Variants in PUS7 observed in about 807,000 individuals in gnomAD.
PUS7 encodes pseudouridylate synthase 7 homolog.
Under a neutral mutation model 79.8 loss-of-function variants are expected in PUS7, and 48 were observed. The observed-to-expected ratio is 0.60, with a 90% CI of 0.48 to 0.76. The LOEUF (loss-of-function observed/expected upper bound fraction) is 0.76, where lower values mean the gene tolerates loss of function less well. Ranked by LOEUF, PUS7 falls within the 30% of genes least tolerant of loss-of-function variation. PUS7 has a pLI of 0.00. For missense variants in PUS7, 729 were observed against 797.6 expected, an observed-to-expected ratio of 0.91 and a Z score of 1.04; for synonymous variants, 286 against 272.2, an observed-to-expected ratio of 1.05 and a Z score of -0.50.
intron 5 of PUS7, among the ~76,000 whole-genome samples, chr7:105,497,875 C>T: frequency 6.6e-6 from 1 of 152,160 alleles, no homozygotes; most frequent in Non-Finnish European, 1.5e-5. Context: ...TATACTATTT[C>T]CTCTATTTGA....
intron 9 of PUS7, among the ~76,000 whole-genome samples, chr7:105,473,305 A>G (rs746805043): frequency 2.0e-5 from 3 of 152,112 alleles, no homozygotes; most frequent in East Asian, 1.9e-4. Context: ...GCTGGAATGC[A>G]GTGGCATGAT....
At chr7:105,493,414 C>T (rs1322766887) in intron 6 of PUS7, among the ~76,000 whole-genome samples, 2 of 152,342 alleles carry the variant, frequency 1.3e-5, no homozygotes, top group East Asian at 1.9e-4. Flanking sequence ...TGTCAAGAAT[C>T]GTCTGTTCTC....
At chr7:105,488,029 G>A (rs569004865) in intron 7 of PUS7, among the ~76,000 whole-genome samples, 18 of 152,272 alleles carry the variant, frequency 1.2e-4, no homozygotes, top group African/African-American at 4.3e-4. Context: ...AACTAAGGGT[G>A]TAGCCTGTAT....
intron 5 of PUS7, among the ~76,000 whole-genome samples, chr7:105,501,769 C>A (rs987629926): frequency 2.0e-5 from 3 of 151,892 alleles, no homozygotes; most frequent in African/African-American, 7.3e-5. Context: ...TCCTGGCTAA[C>A]AAGGTGAAAC....
At chr7:105,457,987 G>A in intron 15 of PUS7, 61 bp from the exon 16 acceptor site, 1 of 1,571,114 alleles carries the variant, frequency 6.4e-7, no homozygotes, top group Non-Finnish European at 8.6e-7. Context: ...ACCAGCGAGA[G>A]TCACATAATC....
intron 1 of PUS7, among the ~76,000 whole-genome samples, chr7:105,520,692 A>T (rs979564290): frequency 2.6e-5 from 4 of 152,174 alleles, no homozygotes; most frequent in Non-Finnish European, 4.4e-5. Flanking sequence ...ATTGCACTCC[A>T]GCCTGGGTGA....
intron 4 of PUS7, among the ~76,000 whole-genome samples, chr7:105,504,511 T>A (rs959631152): frequency 6.6e-6 from 1 of 152,222 alleles, no homozygotes; most frequent in Non-Finnish European, 1.5e-5. Context: ...AGTTTGTGTA[T>A]ATGAATACAT....
Position 105,458,169 on chromosome 7 carries a change from A to G in PUS7, c.1850-243T>C, listed in dbSNP as rs541941441. ...GGCAGATGACAGAAGAACACAAAAGAGAAACGCATGTAAAGTTAAAGAAAT... is the reference window on the plus strand; with the variant it reads ...GGCAGATGACAGAAGAACACAAAAGGGAAACGCATGTAAAGTTAAAGAAAT... On this transcript the variant is annotated intron_variant, in intron 15 of 15. Coordinates refer to ENST00000469408, the MANE Select transcript of PUS7 (RefSeq NM_019042.5). 9.8e-5 allele frequency among the ~76,000 whole-genome samples: 15 copies of G among 152,338 alleles called. No individual in the cohort carries two copies. The South Asian group carries it at 3.1e-3, about 32-fold the overall frequency.
chr7:105,468,522 C>CA (rs1823750715), intron 11 of PUS7, 59 bp from the exon 12 acceptor site: 2 of 1,171,108 alleles, frequency 1.7e-6, no homozygotes, highest in African/African-American at 1.6e-5. Context: ...AAGTGCTGTA[C>CA]TTTTTTTTTT....
At chr7:105,512,543 G>A (rs529399372) in intron 1 of PUS7, among the ~76,000 whole-genome samples, 131 of 152,282 alleles carry the variant, frequency 8.6e-4, no homozygotes, top group African/African-American at 3.1e-3. Flanking sequence ...GGTCATTTGG[G>A]GTCACAGGTA....
chr7:105,493,000 G>C (rs915328432), intron 6 of PUS7, among the ~76,000 whole-genome samples: 2 of 152,190 alleles, frequency 1.3e-5, no homozygotes, highest in African/African-American at 4.8e-5. Flanking sequence ...AACTGATGTT[G>C]TTCAAAGACT....
At chr7:105,488,974 C>T (rs1422968805) in intron 7 of PUS7, among the ~76,000 whole-genome samples, 2 of 151,788 alleles carry the variant, frequency 1.3e-5, no homozygotes, top group Non-Finnish European at 2.9e-5. Context: ...TGGTGAAACC[C>T]CATCTCTACT....
At chr7:105,519,509 T>G (rs1252849213) in intron 1 of PUS7, among the ~76,000 whole-genome samples, 1 of 151,908 alleles carries the variant, frequency 6.6e-6, no homozygotes, top group African/African-American at 2.4e-5. Flanking sequence ...CCTCCCAGAG[T>G]GCTGGGATTA....
At chr7:105,500,910 G>C in intron 5 of PUS7, among the ~76,000 whole-genome samples, 1 of 152,208 alleles carries the variant, frequency 6.6e-6, no homozygotes, top group Non-Finnish European at 1.5e-5. Context: ...CCATTCGTTT[G>C]TGGAGTAAAA....
chr7:105,516,780 T>C (rs988619077), intron 1 of PUS7, among the ~76,000 whole-genome samples: 8 of 151,542 alleles, frequency 5.3e-5, no homozygotes, highest in East Asian at 1.9e-4. Flanking sequence ...AAATTGAGGG[T>C]TGGGGAGAGG....
rs188343509 is a variant in PUS7, at chr7:105,503,312, G to A, written c.586-748C>T. 1.4e-4 allele frequency among the ~76,000 whole-genome samples: 22 copies of A among 152,246 alleles called. No homozygotes were observed. The East Asian group carries it at 4.1e-3, about 28-fold the overall frequency. On this transcript the variant is annotated intron_variant, in intron 4 of 15. Coordinates refer to ENST00000469408, the MANE Select transcript of PUS7 (RefSeq NM_019042.5). ...CTACATGAAAATGCAGGCAAAGCTA[G>A]GCCTTTTGGTATGTGAGAAGCTCAG...
chr7:105,479,466 G>T (rs997752735), intron 9 of PUS7, among the ~76,000 whole-genome samples: 4 of 152,240 alleles, frequency 2.6e-5, no homozygotes, highest in African/African-American at 9.6e-5. Context: ...GAACATGGAC[G>T]CTTAGATAAC....
chr7:105,500,118 G>A (rs755594337), intron 5 of PUS7, among the ~76,000 whole-genome samples: 3 of 152,140 alleles, frequency 2.0e-5, no homozygotes, highest in Non-Finnish European at 4.4e-5. Flanking sequence ...AACACCACAA[G>A]CCCAAGAAGT....
At chr7:105,488,628 G>C (rs1259607700) in intron 7 of PUS7, among the ~76,000 whole-genome samples, 8 of 152,086 alleles carry the variant, frequency 5.3e-5, no homozygotes, top group Admixed American at 3.9e-4. Flanking sequence ...CAAAAATAGA[G>C]TAATAGTTTA....
Sources: allele counts gnomAD v4.1 joint callset (sites outside exome capture counted in the v4.1 genomes callset), GRCh38; gene constraint gnomAD v4.1.1; transcripts MANE v1.5; gene names NCBI Gene and HGNC (gene_info 2026-07-23, HGNC 2026-07-21).